Variants in PIK3CB observed in about 807,000 individuals in gnomAD.
PIK3CB encodes phosphatidylinositol-4,5-bisphosphate 3-kinase catalytic subunit beta, also known as phosphatidylinositol 4,5-bisphosphate 3-kinase catalytic subunit beta isoform.
Under a neutral mutation model 136.8 loss-of-function variants are expected in PIK3CB, and 39 were observed. The ratio of observed to expected loss-of-function variants is 0.29; its 90% CI spans 0.22 to 0.37. The LOEUF is 0.37. Among genes scored for constraint, PIK3CB ranks in the 10% least tolerant of loss-of-function variants. PIK3CB has a pLI of 1.00. For missense variants in PIK3CB, 868 were observed against 1,275.4 expected (o/e 0.68, Z 4.87); for synonymous variants, 428 against 436.6 (o/e 0.98, Z 0.25).
In PIK3CB at chr3:138,655,535, G is replaced by T; in HGVS notation, c.3076-9C>A. 6.2e-7 allele frequency: 1 copy of T among 1,601,742 alleles called. No homozygotes were observed. The highest frequency in any genetic ancestry group is 8.6e-7 in the Non-Finnish European group (1 of 1,168,892). Reference sequence around the variant, plus strand: ...CCTAATGCAAGAGAGTCCTAAAATGGAAGGGGGAAAATATGATTTTATATA... The same window carrying T: ...CCTAATGCAAGAGAGTCCTAAAATGTAAGGGGGAAAATATGATTTTATATA... On this transcript the variant is annotated splice_polypyrimidine_tract_variant and intron_variant, in intron 23 of 23. Coordinates refer to ENST00000674063, the MANE Select transcript of PIK3CB (RefSeq NM_006219.3).
chr3:138,707,635 T>C lies in PIK3CB; in HGVS notation c.1400-346A>G, dbSNP rs1244472384. On this transcript the variant is annotated intron_variant, in intron 10 of 23. Coordinates refer to ENST00000674063, the MANE Select transcript of PIK3CB (RefSeq NM_006219.3). ...TAGAAACTATAATCTCATCACTACATATGGACTTCTTAATCACATGTAATC... is the reference window on the plus strand; with the variant it reads ...TAGAAACTATAATCTCATCACTACACATGGACTTCTTAATCACATGTAATC... 11 of 778,160 alleles carry C rather than the reference T, an allele frequency of 1.4e-5. 1 individual carries two copies. In the African/African-American group the frequency reaches 1.9e-4, roughly 13 times the overall value. 48.2% of individuals were successfully genotyped at this position (778,160 alleles called of 1,614,324 possible). A position where few individuals can be genotyped will look rare whatever the true frequency, so the allele number is the denominator to read the frequency against.
At chr3:138,696,186 T>C (rs909234055) in intron 13 of PIK3CB, among the ~76,000 whole-genome samples, 1 of 151,524 alleles carries the variant, frequency 6.6e-6, no homozygotes, top group African/African-American at 2.4e-5. Context: ...TTAACCTTTT[T>C]TTTTTTTTTT....
At chr3:138,792,347 A>ATT (rs11424724) in intron 2 of PIK3CB, among the ~76,000 whole-genome samples, 3 of 151,878 alleles carry the variant, frequency 2.0e-5, no homozygotes, top group South Asian at 2.1e-4. Context: ...AGGTATTATA[A>ATT]TTTTTTTCAT....
intron 1 of PIK3CB, among the ~76,000 whole-genome samples, chr3:138,828,554 A>G (rs1454522804): frequency 6.6e-6 from 1 of 152,048 alleles, no homozygotes; most frequent in East Asian, 1.9e-4. Flanking sequence ...GGTCCCTGCC[A>G]TCATGAAGCT....
At chr3:138,744,217 C>A (rs1202803625) in intron 4 of PIK3CB, among the ~76,000 whole-genome samples, 1 of 151,028 alleles carries the variant, frequency 6.6e-6, no homozygotes, top group Non-Finnish European at 1.5e-5. Context: ...CATGGAGAAA[C>A]CCCATCTCTA....
At position 138,793,521 on chromosome 3, in the gene PIK3CB, G is replaced by A. The variant is rs543287380; in HGVS notation, c.-17+2942C>T. 4.6e-5 allele frequency among the ~76,000 whole-genome samples: 7 copies of A among 151,790 alleles called. No homozygotes were observed. The South Asian group carries it at 8.3e-4, about 18-fold the overall frequency. On this transcript the variant is annotated intron_variant, in intron 2 of 23. Coordinates refer to ENST00000674063, the MANE Select transcript of PIK3CB (RefSeq NM_006219.3). ...CTCGGGAAGCTGAGGCAGGAGAATC[G>A]CTTGAATCTGGGAGGCAGAGGTTGC...
chr3:138,695,765 T>C (rs2044123174), intron 13 of PIK3CB, among the ~76,000 whole-genome samples: 1 of 151,954 alleles, frequency 6.6e-6, no homozygotes, highest in Non-Finnish European at 1.5e-5. Flanking sequence ...AACTTTTTTC[T>C]GAGACAGTTT....
chr3:138,818,758 TAATA>T (rs1392052461), intron 1 of PIK3CB, among the ~76,000 whole-genome samples: 2 of 152,172 alleles, frequency 1.3e-5, no homozygotes, highest in Admixed American at 6.6e-5. Context: ...TTTTTTAAAA[TAATA>T]AATATTTCAT....
chr3:138,723,414 G>A (rs2044769885), intron 8 of PIK3CB, among the ~76,000 whole-genome samples: 1 of 152,062 alleles, frequency 6.6e-6, no homozygotes. Flanking sequence ...AGCCGGGCGT[G>A]GTGGTGTGGG....
chr3:138,755,247 T>C (rs964864413), intron 4 of PIK3CB, among the ~76,000 whole-genome samples: 1 of 152,246 alleles, frequency 6.6e-6, no homozygotes, highest in Non-Finnish European at 1.5e-5. Context: ...CATAAGAAAC[T>C]AAGGATAATG....
chr3:138,763,121 AGTAT>A (rs111529463), intron 2 of PIK3CB, among the ~76,000 whole-genome samples: 4,164 of 149,608 alleles, frequency 0.028, 190 homozygotes, highest in African/African-American at 0.097. Context: ...AATGAAAGTT[AGTAT>A]GTATGTATGT....
In PIK3CB at chr3:138,730,471, TATG is replaced by T. The variant is rs2044946287; in HGVS notation, c.1050+2887_1050+2889del. ...TGATAAATTATCTACAGAAGACAAATATGATAACCTGCAAATGGGAAGAACAAG... is the reference window on the plus strand; with the variant it reads ...TGATAAATTATCTACAGAAGACAAATATAACCTGCAAATGGGAAGAACAAG... On this transcript the variant is annotated intron_variant, in intron 8 of 23. Coordinates refer to ENST00000674063, the MANE Select transcript of PIK3CB (RefSeq NM_006219.3). Among the ~76,000 whole-genome samples, 3 of 152,226 alleles carry T rather than the reference TATG, an allele frequency of 2.0e-5. No homozygotes were observed. In the South Asian group the frequency reaches 6.2e-4, roughly 32 times the overall value.
At chr3:138,717,715 G>C (rs2108594054) in intron 8 of PIK3CB, among the ~76,000 whole-genome samples, 1 of 152,270 alleles carries the variant, frequency 6.6e-6, no homozygotes, top group African/African-American at 2.4e-5. Flanking sequence ...GTAGGCTCCA[G>C]TGTCTGTTGC....
chr3:138,785,344 G>A (rs1326018084), intron 2 of PIK3CB, among the ~76,000 whole-genome samples: 1 of 152,194 alleles, frequency 6.6e-6, no homozygotes, highest in Non-Finnish European at 1.5e-5. Flanking sequence ...TTGAGAACGG[G>A]CCATGATGAC....
chr3:138,748,766 T>TG (rs2045411893), intron 4 of PIK3CB, among the ~76,000 whole-genome samples: 1 of 152,206 alleles, frequency 6.6e-6, no homozygotes, highest in Non-Finnish European at 1.5e-5. Context: ...AGAATATGCA[T>TG]AAGTTTTTGT....
intron 2 of PIK3CB, among the ~76,000 whole-genome samples, chr3:138,784,511 G>A (rs979287587): frequency 6.6e-6 from 1 of 152,066 alleles, no homozygotes; most frequent in Non-Finnish European, 1.5e-5. Flanking sequence ...CACCATCTCG[G>A]CTCACTGCAA....
intron 2 of PIK3CB, among the ~76,000 whole-genome samples, chr3:138,789,002 ACAC>A (rs1559879249): frequency 6.7e-6 from 1 of 148,956 alleles, no homozygotes; most frequent in Non-Finnish European, 1.5e-5. Context: ...ACAAAAAACA[ACAC>A]CACAGAGTTT....
At chr3:138,677,804 A>G (rs1460811042) in intron 19 of PIK3CB, among the ~76,000 whole-genome samples, 1 of 152,162 alleles carries the variant, frequency 6.6e-6, no homozygotes, top group Admixed American at 6.5e-5. Context: ...CTGAGGCAGG[A>G]GAATCACTTG....
At chr3:138,831,955 T>C (rs941782745) in intron 1 of PIK3CB, among the ~76,000 whole-genome samples, 1 of 152,106 alleles carries the variant, frequency 6.6e-6, no homozygotes, top group Admixed American at 6.6e-5. Flanking sequence ...CCCATAAGAC[T>C]GGGTAACATC....
Sources: allele counts gnomAD v4.1 joint callset (sites outside exome capture counted in the v4.1 genomes callset), GRCh38; gene constraint gnomAD v4.1.1; transcripts MANE v1.5; gene names NCBI Gene and HGNC (gene_info 2026-07-23, HGNC 2026-07-21).